TNIP2: variants seen among roughly 807,000 people sequenced by gnomAD.
The protein encoded by TNIP2 is TNFAIP3 interacting protein 2.
A neutral mutation model predicts 43.7 loss-of-function variants in TNIP2; 30 were observed. That is an observed-to-expected ratio of 0.69 (90% CI 0.51 to 0.93). The LOEUF is 0.93. Ranked by LOEUF, TNIP2 falls within the 40% of genes least tolerant of loss-of-function variation. The probability of loss-of-function intolerance (pLI) is 0.00; values close to 1 mark genes in which losing one functional copy is unlikely to be tolerated. For missense variants in TNIP2, 599 were observed against 591.0 expected (o/e 1.01, Z -0.14); for synonymous variants, 260 against 254.6 (o/e 1.02, Z -0.20).
At position 2,744,558 on chromosome 4, in the gene TNIP2, AC is replaced by A. The variant is rs369496733; in HGVS notation, c.907-53del. The A allele has an allele frequency of 1.2e-6, 2 of 1,610,154 alleles. No individual in the cohort carries two copies. The highest frequency in any genetic ancestry group is 1.1e-5 in the South Asian group (1 of 90,992). On this transcript the variant is annotated intron_variant, in intron 4 of 5. Coordinates refer to ENST00000315423, the MANE Select transcript of TNIP2 (RefSeq NM_024309.4). This position sits in a 1 kb window ranked among gnomAD's most constrained non-coding sequence, Gnocchi z 5.1. The stretch of plus-strand genomic sequence containing the variant: ...TGCTCAAGGAAGGAGGAAGCGCCCC[AC>A]CAGGCTTCTCCCACCCCCACAGTGA...
In TNIP2 at chr4:2,742,402, T is replaced by C. The variant is rs775174721; in HGVS notation, c.1145A>G (p.Gln382Arg). 3 of 1,611,840 alleles carry C rather than the reference T, an allele frequency of 1.9e-6. No homozygotes were observed. Among genetic ancestry groups the C allele is most frequent in the Non-Finnish European group, 2.5e-6 (3 of 1,178,832 alleles). Residue 382 changes from glutamine to arginine, a missense_variant, in exon 6 of 6, where the codon CAG (glutamine) becomes CGG (arginine). Gln to Arg is a conservative substitution (Grantham distance 43, BLOSUM62 1). Transcript: ENST00000315423. ...PGGWRPGTGSQQPEPPAEGGH... is the reference protein window; with the variant it reads ...PGGWRPGTGSRQPEPPAEGGH... The stretch of plus-strand genomic sequence containing the variant: ...GCCCTCTGCAGGGGGTTCTGGCTGC[T>C]GGGACCCAGTCCCAGGCCTCCAGCC...
In TNIP2 at chr4:2,756,220, A is replaced by T; in HGVS notation, c.70T>A (p.Tyr24Asn). 6.8e-7 allele frequency: 1 copy of T among 1,472,320 alleles called. No homozygotes were observed. The highest frequency in any genetic ancestry group is 8.9e-7 in the Non-Finnish European group (1 of 1,119,966). The allele number at this position is 1,472,320 out of a possible 1,614,324, so 91.2% of individuals were successfully genotyped here. A position where few individuals can be genotyped will look rare whatever the true frequency, so the allele number is the denominator to read the frequency against. ...CGCAGCCGCTGTCCGGCCTCGTGGT[A>T]CAGGGTGCAGAGCGCGGCAGCTGCG... ...PRAAAALCTL[Y>N]HEAGQRLRRL... Residue 24 changes from tyrosine (Y) to asparagine (N), a missense_variant, in exon 1 of 6, where the codon TAC becomes AAC. Physicochemically the swap from Tyr to Asn is moderately radical, Grantham distance 143. Coordinates refer to ENST00000315423, the MANE Select transcript of TNIP2 (RefSeq NM_024309.4).
Position 2,744,556 on chromosome 4 carries a change from C to T in TNIP2, c.907-50G>A, listed in dbSNP as rs1560643130. 2.5e-6 allele frequency: 4 copies of T among 1,611,472 alleles called. No individual in the cohort carries two copies. The highest frequency in any genetic ancestry group is 3.4e-6 in the Non-Finnish European group (4 of 1,178,714). ...TCTGCTCAAGGAAGGAGGAAGCGCCCCACCAGGCTTCTCCCACCCCCACAG... is the reference window on the plus strand; with the variant it reads ...TCTGCTCAAGGAAGGAGGAAGCGCCTCACCAGGCTTCTCCCACCCCCACAG... On this transcript the variant is annotated intron_variant, in intron 4 of 5. Transcript: ENST00000315423. This position sits in a 1 kb window ranked among gnomAD's most constrained non-coding sequence, Gnocchi z 5.1.
At chr4:2,755,385 C>T (rs1722204853) in intron 1 of TNIP2, among the ~76,000 whole-genome samples, 1 of 151,726 alleles carries the variant, frequency 6.6e-6, no homozygotes, top group African/African-American at 2.4e-5. Context: ...ACACCACACA[C>T]ACACAGAACC....
rs1410175425 is a variant in TNIP2 at position 2,747,802 on chromosome 4, A to G, written c.420T>C (p.Ser140=). 1.2e-6 allele frequency: 2 copies of G among 1,612,788 alleles called. No individual in the cohort carries two copies. Among genetic ancestry groups the G allele is most frequent in the African/African-American group, 2.7e-5 (2 of 74,926 alleles). ...MAEGERARAA[S]DVLCRSLANE... ...TGGCCAAGGAGCGGCACAGGACGTC[A>G]CTGGCGGCCCGGGCGCGCTCCCCTT... The change falls in exon 2 of 6, where the codon AGT becomes AGC. Residue 140 remains serine (S), a synonymous_variant. Coordinates refer to ENST00000315423, the MANE Select transcript of TNIP2 (RefSeq NM_024309.4).
At chr4:2,752,180 A>C (rs182621823) in intron 1 of TNIP2, among the ~76,000 whole-genome samples, 6 of 152,218 alleles carry the variant, frequency 3.9e-5, no homozygotes, top group Admixed American at 3.9e-4. Flanking sequence ...CCAAGAAAAC[A>C]AGCAAAGCAA....
intron 2 of TNIP2, among the ~76,000 whole-genome samples, chr4:2,746,690 G>A (rs1454856557): frequency 6.6e-6 from 1 of 152,240 alleles, no homozygotes; most frequent in African/African-American, 2.4e-5. Flanking sequence ...GAACCTTGGT[G>A]CTGCCTCAGA....
At chr4:2,751,148 T>TG (rs1722092411) in intron 1 of TNIP2, among the ~76,000 whole-genome samples, 2 of 152,252 alleles carry the variant, frequency 1.3e-5, no homozygotes, top group Admixed American at 1.3e-4. Context: ...GCTCTGAAGT[T>TG]GCAGAGCTTT....
chr4:2,747,523 G>T, intron 2 of TNIP2, 132 bp downstream of exon 2: 2 of 896,364 alleles, frequency 2.2e-6, no homozygotes, highest in Non-Finnish European at 3.4e-6. Context: ...GCTTTGCCCC[G>T]TCAGCTGACT....
chr4:2,756,258 T>C lies in TNIP2; in HGVS notation c.32A>G (p.Glu11Gly). The change falls in exon 1 of 6, where the codon GAG (glutamate) becomes GGG (glycine). Residue 11 changes from glutamate to glycine, a missense_variant. Glu to Gly is a moderately conservative substitution (Grantham distance 98). Coordinates refer to ENST00000315423, the MANE Select transcript of TNIP2 (RefSeq NM_024309.4). ...CGCGGCAGCTGCGCGCGGGGCCTCCTCCCAGCCGCCCGACCCCGGGTCCCG... is the reference window on the plus strand; with the variant it reads ...CGCGGCAGCTGCGCGCGGGGCCTCCCCCCAGCCGCCCGACCCCGGGTCCCG... MSRDPGSGGWEEAPRAAAALC... is the reference protein window; with the variant it reads MSRDPGSGGWGEAPRAAAALC... 1 of 1,433,962 alleles carries C rather than the reference T, an allele frequency of 7.0e-7. No homozygotes were observed. Among genetic ancestry groups the C allele is most frequent in the Non-Finnish European group, 9.1e-7 (1 of 1,097,982 alleles). The allele number at this position is 1,433,962 out of a possible 1,614,324, so 88.8% of individuals were successfully genotyped here. A position where few individuals can be genotyped will look rare whatever the true frequency, so the allele number is the denominator to read the frequency against.
chr4:2,754,990 C>T (rs1345195903), intron 1 of TNIP2, among the ~76,000 whole-genome samples: 19 of 152,182 alleles, frequency 1.2e-4, no homozygotes, highest in Admixed American at 1.0e-3. Flanking sequence ...TCCGAAAGTA[C>T]TGGGATTACA....
In TNIP2 at chr4:2,744,394, C is replaced by T; in HGVS notation, c.1019G>A (p.Trp340Ter). ...KVASLLHQVS[W>*]RQDSREPDAG... ...AACGCCCTCATACTCTACCTGTCTCCAGGACACCTGGTGCAGCAAAGAGGC... is the reference window on the plus strand; with the variant it reads ...AACGCCCTCATACTCTACCTGTCTCTAGGACACCTGGTGCAGCAAAGAGGC... Residue 340 changes from tryptophan to a stop codon, truncating the protein, a stop_gained, in exon 5 of 6, where the codon TGG (tryptophan) becomes TAG (stop). Coordinates refer to ENST00000315423, the MANE Select transcript of TNIP2 (RefSeq NM_024309.4). LOFTEE classifies it low-confidence loss of function (END_TRUNC). The surrounding 1 kb of genome is among the most constrained non-coding windows in gnomAD (Gnocchi z 5.1). The T allele has an allele frequency of 6.2e-7, 1 of 1,614,224 alleles. No individual in the cohort carries two copies. The highest frequency in any genetic ancestry group is 1.1e-5 in the South Asian group (1 of 91,082).
chr4:2,742,393 T>A lies in TNIP2; in HGVS notation c.1154A>T (p.Glu385Val). The A allele has an allele frequency of 1.2e-6, 2 of 1,610,570 alleles. No individual in the cohort carries two copies. The highest frequency in any genetic ancestry group is 8.5e-7 in the Non-Finnish European group (1 of 1,178,180). The change falls in exon 6 of 6, where the codon GAA (glutamate) becomes GTA (valine). Residue 385 changes from glutamate to valine, a missense_variant. Glu to Val is a moderately radical substitution (Grantham distance 121, BLOSUM62 -2). Transcript: ENST00000315423. The part of the protein sequence containing the change: ...WRPGTGSQQP[E>V]PPAEGGHPGA... ...AGGATGCCCGCCCTCTGCAGGGGGT[T>A]CTGGCTGCTGGGACCCAGTCCCAGG... is the stretch of plus-strand genomic sequence containing the variant.
chr4:2,742,070 C>CAGTT lies in TNIP2; in HGVS notation c.*183_*186dup, dbSNP rs1437467028. On this transcript the variant is annotated 3_prime_UTR_variant, in exon 6 of 6. Transcript: ENST00000315423. ...CACCTCCAGCCTCCAGCCTCACTGG[C>CAGTT]AGTTCCCTGTGACCCAGCCTGTTCC... 1 of 479,582 alleles carries CAGTT rather than the reference C, an allele frequency of 2.1e-6. No homozygotes were observed. The highest frequency in any genetic ancestry group is 3.4e-6 in the Non-Finnish European group (1 of 296,502). The allele number at this position is 479,582 out of a possible 1,614,324, so 29.7% of individuals were successfully genotyped here.
chr4:2,755,905 AC>A (rs1722226707), intron 1 of TNIP2, 108 bp downstream of exon 1: 2 of 1,306,854 alleles, frequency 1.5e-6, no homozygotes, highest in Non-Finnish European at 2.0e-6. Flanking sequence ...AGGACCCAGT[AC>A]CCCCTCAACC....
chr4:2,744,353 C>T lies in TNIP2; in HGVS notation c.1026+34G>A. On this transcript the variant is annotated intron_variant, in intron 5 of 5. Transcript: ENST00000315423. This position sits in a 1 kb window ranked among gnomAD's most constrained non-coding sequence, Gnocchi z 5.1. ...TGAGAAGAGAAACAAAAACACTAAA[C>T]CTAAGCAGGAAGAAAAACGCCCTCA... 6.8e-6 allele frequency: 11 copies of T among 1,613,790 alleles called. No homozygotes were observed. Among genetic ancestry groups the T allele is most frequent in the East Asian group, 2.2e-5 (1 of 44,882 alleles).
Position 2,744,761 on chromosome 4 carries a change from T to A in TNIP2, c.842A>T (p.Glu281Val). 6.2e-7 allele frequency: 1 copy of A among 1,610,360 alleles called. No individual in the cohort carries two copies. The highest frequency in any genetic ancestry group is 8.5e-7 in the Non-Finnish European group (1 of 1,180,040). Residue 281 changes from glutamate to valine, a missense_variant, in exon 4 of 6, where the codon GAG becomes GTG. Glu to Val is a moderately radical substitution (Grantham distance 121). Coordinates refer to ENST00000315423, the MANE Select transcript of TNIP2 (RefSeq NM_024309.4). This position sits in a 1 kb window ranked among gnomAD's most constrained non-coding sequence, Gnocchi z 5.1. ...KINDCAEVKQ[E>V]LAASRTARDA... ...CCGGGCCGTCCTGGAGGCCGCCAGC[T>A]CCTGCTTCACTTCGGCACAGTCATT...
chr4:2,743,225 G>A (rs916509443), intron 5 of TNIP2, among the ~76,000 whole-genome samples: 5 of 152,064 alleles, frequency 3.3e-5, no homozygotes, highest in Admixed American at 6.5e-5. Flanking sequence ...AGCAACCCTC[G>A]AGGGGCCACA....
intron 1 of TNIP2, among the ~76,000 whole-genome samples, chr4:2,752,993 A>G (rs1360797167): frequency 6.6e-6 from 1 of 152,170 alleles, no homozygotes; most frequent in Non-Finnish European, 1.5e-5. Flanking sequence ...TGAGCCCAGG[A>G]GTTCAAGGTT....
Sources: allele counts gnomAD v4.1 joint callset (sites outside exome capture counted in the v4.1 genomes callset), GRCh38; gene constraint gnomAD v4.1.1; non-coding constraint Gnocchi (gnomAD v3.1); transcripts MANE v1.5; gene names NCBI Gene and HGNC (gene_info 2026-07-23, HGNC 2026-07-21).